ITGA7: variants seen among roughly 807,000 people sequenced by gnomAD.
ITGA7 encodes the protein integrin alpha-7.
ITGA7 carries 84 observed loss-of-function variants against 131.6 expected under a neutral mutation model. The ratio of observed to expected loss-of-function variants is 0.64; its 90% CI spans 0.54 to 0.77. ITGA7 has a LOEUF of 0.77. Among genes scored for constraint, ITGA7 ranks in the 30% least tolerant of loss-of-function variants. The pLI is 0.00. For missense variants in ITGA7, 1,399 were observed against 1,482.9 expected, an observed-to-expected ratio of 0.94 and a Z score of 0.93; for synonymous variants, 548 against 600.7, an observed-to-expected ratio of 0.91 and a Z score of 1.28.
At chr12:55,693,819 CCAGA>C (rs1872017135) in intron 19 of ITGA7, among the ~76,000 whole-genome samples, 198 bp downstream of exon 19, 1 of 152,078 alleles carries the variant, frequency 6.6e-6, no homozygotes, top group African/African-American at 2.4e-5. Flanking sequence ...GGTGAGACAG[CCAGA>C]CAGAATGACC....
upstream of ITGA7, chr12:55,716,266 C>G (rs1022426096): frequency 1.9e-6 from 3 of 1,548,668 alleles, no homozygotes; most frequent in Non-Finnish European, 2.6e-6. Context: ...GCCTGGATCT[C>G]GAGTAACTAA....
chr12:55,693,848 T>C (rs897853192), intron 19 of ITGA7, among the ~76,000 whole-genome samples, 173 bp downstream of exon 19: 1 of 151,986 alleles, frequency 6.6e-6, no homozygotes, highest in South Asian at 2.1e-4. Flanking sequence ...AATGGTCAAA[T>C]GAGGCCCCAG....
At chr12:55,699,745 T>C (rs776881852) in intron 5 of ITGA7, 125 bp downstream of exon 5, 64 of 1,263,378 alleles carry the variant, frequency 5.1e-5, no homozygotes, top group Non-Finnish European at 7.1e-5. Context: ...TTGGGCCCAA[T>C]GTATGTCTCC....
At chr12:55,706,177 C>G (rs952892763) in intron 1 of ITGA7, among the ~76,000 whole-genome samples, 12 of 152,146 alleles carry the variant, frequency 7.9e-5, no homozygotes, top group African/African-American at 2.9e-4. Flanking sequence ...CCTAAAAAGG[C>G]CTCCAGTCCT....
At position 55,696,962 on chromosome 12, in the gene ITGA7, C is replaced by T. The variant is rs967398275; in HGVS notation, c.1674G>A (p.Ser558=). ...RNLEEPKHQA[S]GTVWLKHQHD... ...GCTGGTGCTTCAGCCACACGGTGCC[C>T]GAGGCCTGGTGCTTGGGTTCTTCCA... The change falls in exon 12 of 25, where the codon TCG becomes TCA. Residue 558 remains serine (S), a synonymous_variant. Coordinates refer to ENST00000257879, the MANE Select transcript of ITGA7 (RefSeq NM_002206.3). 9 of 1,614,022 alleles carry T rather than the reference C, an allele frequency of 5.6e-6. No individual in the cohort carries two copies. The highest frequency in any genetic ancestry group is 2.7e-5 in the African/African-American group (2 of 74,922).
chr12:55,700,496 T>G (rs1873747839), intron 4 of ITGA7: 1 of 1,379,102 alleles, frequency 7.3e-7, no homozygotes, highest in Admixed American at 2.3e-5. Context: ...GCCTCTTCTT[T>G]CTAGCCCTCT....
At chr12:55,700,532 T>G in intron 4 of ITGA7, 2 of 1,021,342 alleles carry the variant, frequency 2.0e-6, no homozygotes, top group Non-Finnish European at 2.8e-6. Flanking sequence ...AACCCAGGCT[T>G]CCTGGGGTCC....
rs1872058090 is a variant in ITGA7, at chr12:55,694,013, A to G, written c.2535+8T>C. The G allele has an allele frequency of 7.5e-6, 12 of 1,609,486 alleles. No individual in the cohort carries two copies. The highest frequency in any genetic ancestry group is 9.3e-6 in the Non-Finnish European group (11 of 1,176,664). ...TGACCATGGAGGGGCCTCATCCCTG[A>G]CACTTACCGTGACCTCATACTTGAC... On this transcript the variant is annotated splice_region_variant and intron_variant, in intron 19 of 24. Coordinates refer to ENST00000257879, the MANE Select transcript of ITGA7 (RefSeq NM_002206.3). This position sits in a 1 kb window ranked among gnomAD's most constrained non-coding sequence, Gnocchi z 5.3.
Position 55,697,487 on chromosome 12 carries a change from A to C in ITGA7, c.1469T>G (p.Leu490Arg). The change falls in exon 10 of 25, where the codon CTG becomes CGG. Residue 490 changes from leucine to arginine, a missense_variant. Coordinates refer to ENST00000257879, the MANE Select transcript of ITGA7 (RefSeq NM_002206.3). ...EVSIAPRSID[L>R]EQPNCAGGHS... ...GCCGCCAGCACAGTTGGGCTGCTCC[A>C]GGTCGATGCTTCGTGGAGCAATAGA... 6.2e-7 allele frequency: 1 copy of C among 1,614,134 alleles called. No individual in the cohort carries two copies. Among genetic ancestry groups the C allele is most frequent in the Non-Finnish European group, 8.5e-7 (1 of 1,180,032 alleles).
At chr12:55,710,296 G>A (rs911790835), upstream of ITGA7, among the ~76,000 whole-genome samples, 7 of 152,114 alleles carry the variant, frequency 4.6e-5, no homozygotes, top group African/African-American at 1.4e-4. Context: ...AGGAGACGGA[G>A]GTTGCAGTGA....
chr12:55,691,311 G>A (rs1241514627), intron 21 of ITGA7, among the ~76,000 whole-genome samples: 1 of 152,106 alleles, frequency 6.6e-6, no homozygotes, highest in Non-Finnish European at 1.5e-5. Flanking sequence ...GGCTGGAGTG[G>A]AGGCGGGGTG....
Position 55,693,129 on chromosome 12 carries a change from C to A in ITGA7, c.2712+12G>T. 2 of 1,613,860 alleles carry A rather than the reference C, an allele frequency of 1.2e-6. No homozygotes were observed. The highest frequency in any genetic ancestry group is 1.1e-5 in the South Asian group (1 of 91,068). On this transcript the variant is annotated intron_variant, in intron 20 of 24. Transcript: ENST00000257879. ...TCCCCACATCTAACCCCCACCCCCA[C>A]CTAAGCCTCACCAGGTGGAGGATGT...
At position 55,698,456 on chromosome 12, in the gene ITGA7, G is replaced by C. The variant is rs764958985; in HGVS notation, c.1119C>G (p.Leu373=). 18 of 1,613,716 alleles carry C rather than the reference G, an allele frequency of 1.1e-5. No homozygotes were observed. Among genetic ancestry groups the C allele is most frequent in the Non-Finnish European group, 1.5e-5 (18 of 1,179,730 alleles). The change falls in exon 7 of 25, where the codon CTC becomes CTG. Residue 373 remains leucine, a synonymous_variant. Transcript: ENST00000257879. ...GHWAGISPLR[L]CGSPDSMFGI... Reference sequence around the variant, plus strand: ...CGAACATGGAGTCAGGGGAGCCGCAGAGCCGGAGAGGGGAGATCCCAGCCC... The same window carrying C: ...CGAACATGGAGTCAGGGGAGCCGCACAGCCGGAGAGGGGAGATCCCAGCCC...
upstream of ITGA7, among the ~76,000 whole-genome samples, chr12:55,708,467 T>C (rs966814243): frequency 6.9e-5 from 10 of 145,484 alleles, no homozygotes; most frequent in Non-Finnish European, 1.5e-4. Context: ...GCTAGCCACA[T>C]CGTCAGGATT....
At position 55,692,950 on chromosome 12, in the gene ITGA7, C is replaced by T. The variant is rs755263823; in HGVS notation, c.2738G>A (p.Arg913Gln). ...HLDVDSRDRR[R>Q]RELEPPEQQE... ...CTGCTCAGGTGGCTCCAGCTCCCGC[C>T]GCCTCCTATCCCTACTGTCCACATC... The change falls in exon 21 of 25, where the codon CGG becomes CAG. Residue 913 changes from arginine to glutamine, a missense_variant. Transcript: ENST00000257879. 2.2e-5 allele frequency: 35 copies of T among 1,614,082 alleles called. No individual in the cohort carries two copies. The highest frequency in any genetic ancestry group is 3.3e-4 in the Middle Eastern group (2 of 6,062).
chr12:55,693,008 C>A (rs368507401), intron 20 of ITGA7, 33 bp from the exon 21 acceptor site: 5 of 1,613,668 alleles, frequency 3.1e-6, no homozygotes, highest in Admixed American at 3.3e-5. Flanking sequence ...AGTGAGTGTC[C>A]CTCCAATCAC....
chr12:55,696,205 A>G, intron 13 of ITGA7, 78 bp downstream of exon 13: 1 of 1,447,272 alleles, frequency 6.9e-7, no homozygotes, highest in Non-Finnish European at 9.4e-7. Flanking sequence ...TGAGCTGTGA[A>G]TTGGTGTCAC....
intron 21 of ITGA7, among the ~76,000 whole-genome samples, chr12:55,690,206 T>G (rs1181885098): frequency 1.3e-5 from 2 of 152,068 alleles, no homozygotes; most frequent in Non-Finnish European, 2.9e-5. Context: ...GGGAGAAAAT[T>G]TTCGCAACCT....
At position 55,694,601 on chromosome 12, in the gene ITGA7, G is replaced by A; in HGVS notation, c.2277+14C>T. 6.2e-7 allele frequency: 1 copy of A among 1,613,798 alleles called. No homozygotes were observed. Among genetic ancestry groups the A allele is most frequent in the Non-Finnish European group, 8.5e-7 (1 of 1,179,684 alleles). ...AGAGGCTACTCACGTAGGGATAAGG[G>A]CAGATGTGCCAACCTGGGCACCTCT... On this transcript the variant is annotated intron_variant, in intron 16 of 24. Transcript: ENST00000257879. This position sits in a 1 kb window ranked among gnomAD's most constrained non-coding sequence, Gnocchi z 5.3.
Sources: gnomAD v4.1 joint callset for allele counts (sites outside exome capture counted in the v4.1 genomes callset) on GRCh38, gnomAD v4.1.1 for gene constraint, Gnocchi (gnomAD v3.1) non-coding constraint, MANE v1.5 for transcripts, NCBI Gene and HGNC (gene_info 2026-07-23, HGNC 2026-07-21) for gene names.